EIF2AK3: variants seen among roughly 807,000 people sequenced by gnomAD.
EIF2AK3 encodes eukaryotic translation initiation factor 2-alpha kinase 3.
A neutral mutation model predicts 113.5 loss-of-function variants in EIF2AK3; 50 were observed. That is an observed-to-expected ratio of 0.44 (90% CI 0.35 to 0.56). The LOEUF is 0.56. EIF2AK3 is among the 20% of genes least tolerant of loss of function. EIF2AK3 has a pLI of 0.00. For synonymous variants in EIF2AK3, 448 were observed against 495.4 expected, an observed-to-expected ratio of 0.90 and a Z score of 1.27; for missense variants, 1,185 against 1,378.0, an observed-to-expected ratio of 0.86 and a Z score of 2.22.
intron 13 of EIF2AK3, chr2:88,574,450 A>ATT: frequency 1.7e-6 from 1 of 601,048 alleles, no homozygotes; most frequent in Non-Finnish European, 2.9e-6. Context: ...CAAACACATT[A>ATT]CTGAAGACAA....
At chr2:88,590,406 AAT>A (rs1444710364) in intron 6 of EIF2AK3, 35 bp downstream of exon 6, 1 of 1,608,804 alleles carries the variant, frequency 6.2e-7, no homozygotes, top group East Asian at 2.2e-5. Context: ...TCTAGATGTC[AAT>A]GTGTACTATC....
chr2:88,575,482 A>G, intron 12 of EIF2AK3, 36 bp from the exon 13 acceptor site: 2 of 1,597,912 alleles, frequency 1.3e-6, no homozygotes, highest in Non-Finnish European at 1.7e-6. Context: ...GTAAGAGTGA[A>G]TATATATTGA....
intron 13 of EIF2AK3, among the ~76,000 whole-genome samples, chr2:88,572,134 TTGTGTA>T (rs1674328463): frequency 6.6e-6 from 1 of 152,216 alleles, no homozygotes; most frequent in African/African-American, 2.4e-5. Flanking sequence ...CATGAAGTTA[TTGTGTA>T]TAAGATCTAT....
intron 2 of EIF2AK3, among the ~76,000 whole-genome samples, chr2:88,605,173 A>G (rs1437854829): frequency 6.6e-6 from 1 of 152,220 alleles, no homozygotes; most frequent in East Asian, 1.9e-4. Flanking sequence ...TTATGTGTAT[A>G]TATACATGTA....
intron 2 of EIF2AK3, among the ~76,000 whole-genome samples, chr2:88,598,486 C>T (rs956522054): frequency 6.6e-6 from 1 of 152,034 alleles, no homozygotes; most frequent in Non-Finnish European, 1.5e-5. Context: ...ATGTAGTATT[C>T]CAGCCAAGAA....
At chr2:88,607,535 T>C (rs17689440) in intron 2 of EIF2AK3, among the ~76,000 whole-genome samples, 2,311 of 152,308 alleles carry the variant, frequency 0.015, 33 homozygotes, top group Non-Finnish European at 0.021. Context: ...ATGAGATGTG[T>C]GTCCCAAGGT....
chr2:88,566,289 T>G (rs1324847007), intron 14 of EIF2AK3, among the ~76,000 whole-genome samples: 5 of 152,160 alleles, frequency 3.3e-5, no homozygotes, highest in Non-Finnish European at 7.3e-5. Flanking sequence ...TTCACTATTT[T>G]TCATTTCTTT....
chr2:88,575,239 A>T lies in EIF2AK3; in HGVS notation c.2244T>A (p.His748Gln). 1 of 1,613,664 alleles carries T rather than the reference A, an allele frequency of 6.2e-7. No individual in the cohort carries two copies. The highest frequency in any genetic ancestry group is 8.5e-7 in the Non-Finnish European group (1 of 1,179,714). The part of the protein sequence containing the change: ...FSPLEFSGMD[H>Q]EDISESVDAA... ...CATCCACTGACTCACTGATGTCCTC[A>T]TGGTCCATTCCTGAGAATTCCAGTG... Residue 748 changes from histidine to glutamine, a missense_variant, in exon 13 of 17, where the codon CAT becomes CAA. Coordinates refer to ENST00000303236, the MANE Select transcript of EIF2AK3 (RefSeq NM_004836.7).
Position 88,556,936 on chromosome 2 carries a change from T to A in EIF2AK3, c.*800A>T, listed in dbSNP as rs1573377189. On this transcript the variant is annotated 3_prime_UTR_variant, in exon 17 of 17. Coordinates refer to ENST00000303236, the MANE Select transcript of EIF2AK3 (RefSeq NM_004836.7). ...TGATTAAACTGTTACCTATAATCAG[T>A]TTGGGGGAAGTACCAACCTACAGGA... The A allele has an allele frequency of 6.6e-6, 1 of 152,134 alleles. No homozygotes were observed. The highest frequency in any genetic ancestry group is 2.4e-5 in the African/African-American group (1 of 41,430). The allele number at this position is 152,134 out of a possible 1,614,324, so 9.4% of individuals were successfully genotyped here. A position where few individuals can be genotyped will look rare whatever the true frequency, so the allele number is the denominator to read the frequency against.
At chr2:88,602,123 T>A (rs1675167072) in intron 2 of EIF2AK3, among the ~76,000 whole-genome samples, 1 of 152,190 alleles carries the variant, frequency 6.6e-6, no homozygotes, top group Non-Finnish European at 1.5e-5. Flanking sequence ...AGTGCTGGGA[T>A]TACAGGCGTG....
chr2:88,595,451 T>C lies in EIF2AK3; in HGVS notation c.633+18A>G, dbSNP rs766620815. On this transcript the variant is annotated intron_variant, in intron 3 of 16. Transcript: ENST00000303236. The stretch of plus-strand genomic sequence containing the variant: ...TTTACTCTGATTTCCCCAAAGTAAA[T>C]TCAGCATTTTCACTTACCTTTCCAC... 2 of 1,612,758 alleles carry C rather than the reference T, an allele frequency of 1.2e-6. No homozygotes were observed. The highest frequency in any genetic ancestry group is 2.2e-5 in the South Asian group (2 of 91,050).
Position 88,557,395 on chromosome 2 carries a change from T to C in EIF2AK3, c.*341A>G, listed in dbSNP as rs141729343. 12 of 259,714 alleles carry C rather than the reference T, an allele frequency of 4.6e-5. No homozygotes were observed. In the East Asian group the frequency reaches 1.0e-3, roughly 22 times the overall value. The allele number at this position is 259,714 out of a possible 1,614,324, so 16.1% of individuals were successfully genotyped here. A position where few individuals can be genotyped will look rare whatever the true frequency, so the allele number is the denominator to read the frequency against. ...ACAGGGGGACTTTCCTTCTTCTGCA[T>C]TATAAAAATATATCCATTTTAGTTC... On this transcript the variant is annotated 3_prime_UTR_variant, in exon 17 of 17. Coordinates refer to ENST00000303236, the MANE Select transcript of EIF2AK3 (RefSeq NM_004836.7).
intron 13 of EIF2AK3, among the ~76,000 whole-genome samples, chr2:88,573,014 G>T (rs1354709596): frequency 6.6e-6 from 1 of 152,010 alleles, no homozygotes; most frequent in Non-Finnish European, 1.5e-5. Context: ...AATATAACAG[G>T]GGGAGAGGGC....
Position 88,611,727 on chromosome 2 carries a change from T to A in EIF2AK3, c.438+1997A>T, listed in dbSNP as rs369440343. ...CTCGCTGCAACCTCCGCCTCCCAGG[T>A]TCAAGTGATTTTCCTGCCTCAGCCT... is the stretch of plus-strand genomic sequence containing the variant. On this transcript the variant is annotated intron_variant, in intron 2 of 16. Coordinates refer to ENST00000303236, the MANE Select transcript of EIF2AK3 (RefSeq NM_004836.7). Among the ~76,000 whole-genome samples, 41 of 152,046 alleles carry A rather than the reference T, an allele frequency of 2.7e-4. No homozygotes were observed. The South Asian group carries it at 7.5e-3, about 28-fold the overall frequency.
At chr2:88,623,989 T>G (rs1675796943) in intron 1 of EIF2AK3, among the ~76,000 whole-genome samples, 1 of 152,062 alleles carries the variant, frequency 6.6e-6, no homozygotes, top group Admixed American at 6.6e-5. Flanking sequence ...TCCTTTCATT[T>G]TCCTTTTCTT....
At chr2:88,603,883 T>C (rs1289890198) in intron 2 of EIF2AK3, among the ~76,000 whole-genome samples, 1 of 152,182 alleles carries the variant, frequency 6.6e-6, no homozygotes, top group Non-Finnish European at 1.5e-5. Flanking sequence ...TCTCATGGTC[T>C]CTCCCAACTC....
intron 7 of EIF2AK3, 114 bp downstream of exon 7, chr2:88,588,647 A>G: frequency 9.4e-7 from 1 of 1,058,884 alleles, no homozygotes; most frequent in Non-Finnish European, 1.4e-6. Context: ...TTATCAATAA[A>G]ATATAAAGTA....
chr2:88,619,955 CAAAAAA>C (rs35076573), intron 1 of EIF2AK3, among the ~76,000 whole-genome samples: 8 of 119,726 alleles, frequency 6.7e-5, no homozygotes, highest in Non-Finnish European at 1.1e-4. Context: ...GACTCCGTCT[CAAAAAA>C]AAAAAAAAAA....
chr2:88,618,987 C>T (rs914006213), intron 1 of EIF2AK3, among the ~76,000 whole-genome samples: 3 of 151,748 alleles, frequency 2.0e-5, no homozygotes, highest in Admixed American at 1.3e-4. Context: ...CTCCTGGGTC[C>T]TCATCTATCA....
Sources: gnomAD v4.1 joint callset for allele counts (sites outside exome capture counted in the v4.1 genomes callset) on GRCh38, gnomAD v4.1.1 for gene constraint, MANE v1.5 for transcripts, NCBI Gene and HGNC (gene_info 2026-07-23, HGNC 2026-07-21) for gene names.